The following ARHGAP23 variants were observed in gnomAD, a reference collection of about 807,000 sequenced individuals.
ARHGAP23 encodes rho GTPase-activating protein 23.
A neutral mutation model predicts 136.3 loss-of-function variants in ARHGAP23; 34 were observed. That is an observed-to-expected ratio of 0.25 (90% CI 0.19 to 0.33). The LOEUF is 0.33. Among genes scored for constraint, ARHGAP23 ranks in the 10% least tolerant of loss-of-function variants. The pLI, the probability that ARHGAP23 is intolerant of heterozygous loss-of-function variation, is 1.00. For missense variants in ARHGAP23, 1,808 were observed against 2,139.0 expected (o/e 0.85, Z 3.05); for synonymous variants, 832 against 920.5 (o/e 0.90, Z 1.74).
chr17:38,499,513 A>G (rs369851781), intron 22 of ARHGAP23, among the ~76,000 whole-genome samples: 12 of 151,978 alleles, frequency 7.9e-5, no homozygotes, highest in African/African-American at 2.7e-4. Flanking sequence ...TCCCCCCGCC[A>G]TGGTTGTCCC....
chr17:38,508,599 G>C (rs929705100), intron 23 of ARHGAP23, among the ~76,000 whole-genome samples: 1 of 152,218 alleles, frequency 6.6e-6, no homozygotes, highest in Non-Finnish European at 1.5e-5. Flanking sequence ...CTGGGGCAAG[G>C]GTGGAGGCAG....
chr17:38,440,343 A>G (rs973162392), intron 1 of ARHGAP23, among the ~76,000 whole-genome samples: 1 of 152,140 alleles, frequency 6.6e-6, no homozygotes, highest in Admixed American at 6.5e-5. Context: ...TTTAAACACT[A>G]TGCCCTACAG....
intron 1 of ARHGAP23, chr17:38,453,780 G>C (rs1430437254): frequency 1.4e-5 from 2 of 145,296 alleles, no homozygotes; most frequent in Non-Finnish European, 3.1e-5. Context: ...GGGCCCCCGG[G>C]CCCCGGGCCC....
chr17:38,452,936 G>C lies in ARHGAP23; in HGVS notation c.64-5166G>C, dbSNP rs2039211962. The stretch of plus-strand genomic sequence containing the variant: ...ATGGGTAGGGAGTCCTGGGAAGGAG[G>C]GTGGTTCCCACAGGGGTGTTGGGGA... On this transcript the variant is annotated intron_variant, in intron 1 of 23. Transcript: ENST00000622683. Among the ~76,000 whole-genome samples the C allele has an allele frequency of 2.0e-5, 3 of 152,228 alleles. No individual in the cohort carries two copies. The South Asian group carries it at 6.2e-4, about 31-fold the overall frequency.
intron 17 of ARHGAP23, among the ~76,000 whole-genome samples, chr17:38,489,397 AC>A (rs2040223340): frequency 9.2e-6 from 1 of 108,240 alleles, no homozygotes; most frequent in African/African-American, 3.6e-5. Context: ...TGTCCCGGGG[AC>A]ATCTGTTGAG....
intron 11 of ARHGAP23, 81 bp downstream of exon 11, chr17:38,472,087 T>A (rs2039774027): frequency 2.0e-5 from 27 of 1,329,820 alleles, no homozygotes; most frequent in Non-Finnish European, 2.8e-5. Flanking sequence ...TGACAGCCTC[T>A]GGAGCCAGAG....
chr17:38,466,569 G>T lies in ARHGAP23; in HGVS notation c.886G>T (p.Val296Leu), dbSNP rs1469313175. The change falls in exon 7 of 24, where the codon GTA (valine) becomes TTA (leucine). Residue 296 changes from valine (V) to leucine (L), a missense_variant. Val to Leu is a conservative substitution (Grantham distance 32). Coordinates refer to ENST00000622683, the MANE Select transcript of ARHGAP23 (RefSeq NM_001199417.2). ...QALSHWLSNQ[V>L]PRRAGERRCP... ...CTTGTCACACTGGCTGTCAAACCAG[G>T]TACCCCGCCGGGCGGGGGAGAGACG... The T allele has an allele frequency of 3.4e-6, 5 of 1,487,038 alleles. No individual in the cohort carries two copies. The highest frequency in any genetic ancestry group is 4.4e-6 in the Non-Finnish European group (5 of 1,124,600). 92.1% of individuals were successfully genotyped at this position (1,487,038 alleles called of 1,614,324 possible).
At chr17:38,455,892 C>T (rs573184719) in intron 1 of ARHGAP23, among the ~76,000 whole-genome samples, 1 of 152,328 alleles carries the variant, frequency 6.6e-6, no homozygotes, top group East Asian at 1.9e-4. Context: ...GGGTGCAGGG[C>T]ACCGTGGGAG....
rs1449570837 is a variant in ARHGAP23 at position 38,481,514 on chromosome 17, A to T, written c.2630-508A>T. 2.6e-5 allele frequency among the ~76,000 whole-genome samples: 4 copies of T among 152,030 alleles called. No individual in the cohort carries two copies. In the East Asian group the frequency reaches 7.8e-4, roughly 30 times the overall value. ...TGCCATGTTGGCCAGCTGGTCTCGA[A>T]CTCCTGGCCTCATGTGGTCCTGCCG... On this transcript the variant is annotated intron_variant, in intron 14 of 23. Coordinates refer to ENST00000622683, the MANE Select transcript of ARHGAP23 (RefSeq NM_001199417.2).
At position 38,479,478 on chromosome 17, in the gene ARHGAP23, A is replaced by G; in HGVS notation, c.2479A>G (p.Asn827Asp). Residue 827 changes from asparagine (N) to aspartate (D), a missense_variant, in exon 13 of 24, where the codon AAC becomes GAC. By Grantham distance (23) the Asn-to-Asp change is conservative (BLOSUM62 1). Transcript: ENST00000622683. ...ANQALISKKL[N>D]DYRKVSHSSG... ...CCAAGCTCTGATCAGCAAGAAGCTT[A>G]ACGATTATCGCAAAGTGAGGTGAGG... The G allele has an allele frequency of 2.6e-6, 4 of 1,548,272 alleles. No individual in the cohort carries two copies. Among genetic ancestry groups the G allele is most frequent in the Non-Finnish European group, 3.5e-6 (4 of 1,145,614 alleles).
Position 38,445,924 on chromosome 17 carries a change from C to T in ARHGAP23, c.64-12178C>T, listed in dbSNP as rs2039021923. Among the ~76,000 whole-genome samples, 4 of 151,912 alleles carry T rather than the reference C, an allele frequency of 2.6e-5. No homozygotes were observed. The South Asian group carries it at 8.3e-4, about 32-fold the overall frequency. ...GCTGGGAATACAGGTGCTGGGATTA[C>T]AGATGTGAGCCACCAAGCCCAGCCA... On this transcript the variant is annotated intron_variant, in intron 1 of 23. Transcript: ENST00000622683.
At chr17:38,485,877 A>C (rs1216794168) in intron 16 of ARHGAP23, among the ~76,000 whole-genome samples, 185 bp from the exon 17 acceptor site, 1 of 152,118 alleles carries the variant, frequency 6.6e-6, no homozygotes, top group East Asian at 1.9e-4. Flanking sequence ...GCCAAGTGTG[A>C]GTGTGGGCAC....
At chr17:38,451,056 C>A (rs2144570177) in intron 1 of ARHGAP23, 1 of 152,350 alleles carries the variant, frequency 6.6e-6, no homozygotes, top group Middle Eastern at 3.4e-3. Flanking sequence ...CTCAGCTACG[C>A]CTGGTATTTC....
chr17:38,469,188 C>T lies in ARHGAP23; in HGVS notation c.1693C>T (p.Pro565Ser), dbSNP rs2039683090. Reference protein sequence around the residue: ...PSIDLQAKHVPASAVVSSAMN... With the variant: ...PSIDLQAKHVSASAVVSSAMN... ...CATTGACCTCCAAGCCAAGCACGTC[C>T]CTGCCTCTGCTGTGGTCTCCAGTGC... The change falls in exon 8 of 24, where the codon CCT becomes TCT. Residue 565 changes from proline to serine, a missense_variant. Physicochemically the swap from Pro to Ser is moderately conservative, Grantham distance 74 (BLOSUM62 -1). Around this residue, in one of 7 missense-constraint regions of ARHGAP23, gnomAD observed 859 missense variants for 936.4 expected, o/e 0.92. Coordinates refer to ENST00000622683, the MANE Select transcript of ARHGAP23 (RefSeq NM_001199417.2). The T allele has an allele frequency of 1.3e-6, 2 of 1,551,548 alleles. No homozygotes were observed. Among genetic ancestry groups the T allele is most frequent in the Non-Finnish European group, 8.7e-7 (1 of 1,146,854 alleles).
At chr17:38,465,371 GGT>G (rs1022250451) in intron 6 of ARHGAP23, among the ~76,000 whole-genome samples, 1 of 151,328 alleles carries the variant, frequency 6.6e-6, no homozygotes, top group Admixed American at 6.6e-5. Context: ...CTTGTAGTGT[GGT>G]GTGTGTGTGT....
chr17:38,489,277 TCTTA>T (rs540460062), intron 17 of ARHGAP23, among the ~76,000 whole-genome samples: 209 of 152,350 alleles, frequency 1.4e-3, no homozygotes, highest in African/African-American at 4.6e-3. Flanking sequence ...AAAAATATTT[TCTTA>T]CTTTTTCCCC....
chr17:38,510,045 G>C lies in ARHGAP23; in HGVS notation c.3549G>C (p.Arg1183=). ...AGCGCAAGAAGCGGCGGGAGGCGCG[G>C]GGGCTGGGCAGCAGCACCGACGACG... The part of the protein sequence containing the change: ...NRKRKKRREA[R]GLGSSTDDDS... Residue 1183 remains arginine, a synonymous_variant, in exon 24 of 24, where the codon CGG becomes CGC. Transcript: ENST00000622683. This position sits in a 1 kb window ranked among gnomAD's most constrained non-coding sequence, Gnocchi z 4.6. 3.2e-6 allele frequency: 4 copies of C among 1,243,486 alleles called. No homozygotes were observed. Among genetic ancestry groups the C allele is most frequent in the Non-Finnish European group, 4.0e-6 (4 of 994,478 alleles). 77.0% of individuals were successfully genotyped at this position (1,243,486 alleles called of 1,614,324 possible). A position where few individuals can be genotyped will look rare whatever the true frequency, so the allele number is the denominator to read the frequency against.
chr17:38,424,345 G>A (rs969027304), upstream of ARHGAP23, among the ~76,000 whole-genome samples: 1 of 152,128 alleles, frequency 6.6e-6, no homozygotes, highest in Admixed American at 6.5e-5. Flanking sequence ...ACCCACCTGT[G>A]CTGCCTGCCT....
At chr17:38,440,499 C>T (rs2038896427) in intron 1 of ARHGAP23, among the ~76,000 whole-genome samples, 1 of 152,214 alleles carries the variant, frequency 6.6e-6, no homozygotes, top group Non-Finnish European at 1.5e-5. Context: ...CTCTCCAGGA[C>T]CCAGTTTACA....
Sources: gnomAD v4.1 joint callset for allele counts (sites outside exome capture counted in the v4.1 genomes callset) on GRCh38, gnomAD v4.1.1 for gene constraint, gnomAD v4.1.1 regional missense constraint, Gnocchi (gnomAD v3.1) non-coding constraint, MANE v1.5 for transcripts, NCBI Gene and HGNC (gene_info 2026-07-23, HGNC 2026-07-21) for gene names.